Variants in PPP1R14C observed in about 807,000 individuals in gnomAD.
PPP1R14C encodes the protein protein phosphatase 1 regulatory inhibitor subunit 14C, also known as protein phosphatase 1 regulatory subunit 14C.
Under a neutral mutation model 20.4 loss-of-function variants are expected in PPP1R14C, and 16 were observed. The ratio of observed to expected loss-of-function variants is 0.78; its 90% CI spans 0.53 to 1.19. PPP1R14C has a LOEUF of 1.19. Ranked by LOEUF, PPP1R14C falls within the 50% of genes most tolerant of loss-of-function variation. PPP1R14C has a pLI of 0.00. For missense variants in PPP1R14C, 211 were observed against 220.1 expected, an observed-to-expected ratio of 0.96 and a Z score of 0.26; for synonymous variants, 91 against 91.0, an observed-to-expected ratio of 1.00 and a Z score of 0.00.
In PPP1R14C at chr6:150,169,166, C is replaced by T. The variant is rs146240315; in HGVS notation, c.306+25668C>T. Among the ~76,000 whole-genome samples, 847 of 152,296 alleles carry T rather than the reference C, an allele frequency of 5.6e-3. 6 individuals carry two copies. Among genetic ancestry groups the T allele is most frequent in the African/African-American group, 0.018 (743 of 41,570 alleles). ...TGCTGGGATTACAGGCGTGAGCCAC[C>T]GTGCCCAGCCTCAATATAAAATTAT... On this transcript the variant is annotated intron_variant, in intron 1 of 3. Transcript: ENST00000361131.
intron 3 of PPP1R14C, among the ~76,000 whole-genome samples, chr6:150,242,866 A>G (rs1310692069): frequency 6.6e-6 from 1 of 152,228 alleles, no homozygotes; most frequent in African/African-American, 2.4e-5. Context: ...TACAAGATAA[A>G]TATATGAAAA....
At chr6:150,207,484 C>T (rs1267255299) in intron 1 of PPP1R14C, among the ~76,000 whole-genome samples, 4 of 152,214 alleles carry the variant, frequency 2.6e-5, no homozygotes, top group East Asian at 3.9e-4. Context: ...CCATCTGTTT[C>T]GTTCTTCACT....
At chr6:150,189,644 A>G (rs1777718957) in intron 1 of PPP1R14C, among the ~76,000 whole-genome samples, 1 of 151,922 alleles carries the variant, frequency 6.6e-6, no homozygotes, top group African/African-American at 2.4e-5. Flanking sequence ...GTTGATGGCT[A>G]AACTCGTCAT....
intron 1 of PPP1R14C, among the ~76,000 whole-genome samples, chr6:150,154,771 A>C (rs1361420310): frequency 6.6e-6 from 1 of 152,132 alleles, no homozygotes; most frequent in African/African-American, 2.4e-5. Flanking sequence ...ACTAGAACGT[A>C]AGGATTAGAT....
At chr6:150,226,707 A>AT (rs138373239) in intron 3 of PPP1R14C, among the ~76,000 whole-genome samples, 64 of 149,732 alleles carry the variant, frequency 4.3e-4, no homozygotes, top group African/African-American at 1.2e-3. Context: ...CCATGCATTT[A>AT]TTTTTTTTTT....
At chr6:150,189,925 C>T (rs1323671322) in intron 1 of PPP1R14C, among the ~76,000 whole-genome samples, 1 of 152,116 alleles carries the variant, frequency 6.6e-6, no homozygotes, top group African/African-American at 2.4e-5. Context: ...TCCCCCAACC[C>T]CCCAACACAG....
At position 150,143,746 on chromosome 6, in the gene PPP1R14C, G is replaced by A. The variant is rs1320903752; in HGVS notation, c.306+248G>A. Among the ~76,000 whole-genome samples the A allele has an allele frequency of 6.6e-6, 1 of 152,070 alleles. No homozygotes were observed. Among genetic ancestry groups the A allele is most frequent in the Non-Finnish European group, 1.5e-5 (1 of 67,992 alleles). On this transcript the variant is annotated intron_variant, in intron 1 of 3. Transcript: ENST00000361131. The surrounding 1 kb of genome is among the most constrained non-coding windows in gnomAD (Gnocchi z 5.6). Reference sequence around the variant, plus strand: ...TCTGCGGGCCCCCTTGGTGGCCGTGGGGAGGGTTGGGTCCCGCGGAGCACA... The same window carrying A: ...TCTGCGGGCCCCCTTGGTGGCCGTGAGGAGGGTTGGGTCCCGCGGAGCACA...
intron 3 of PPP1R14C, among the ~76,000 whole-genome samples, chr6:150,228,779 A>G (rs530922232): frequency 1.3e-5 from 2 of 152,184 alleles, no homozygotes; most frequent in Non-Finnish European, 2.9e-5. Context: ...ATTTTTCACT[A>G]TACACTCTTA....
In PPP1R14C at chr6:150,185,773, T is replaced by G. The variant is rs1278468414; in HGVS notation, c.307-28971T>G. Among the ~76,000 whole-genome samples the G allele has an allele frequency of 6.6e-6, 1 of 152,156 alleles. No homozygotes were observed. Among genetic ancestry groups the G allele is most frequent in the Non-Finnish European group, 1.5e-5 (1 of 68,038 alleles). On this transcript the variant is annotated intron_variant, in intron 1 of 3. Coordinates refer to ENST00000361131, the MANE Select transcript of PPP1R14C (RefSeq NM_030949.3). The surrounding 1 kb of genome is among the most constrained non-coding windows in gnomAD (Gnocchi z 4.1). Reference sequence around the variant, plus strand: ...TAAACCGAGCAAGTCATATTCTCACTCGTGCTGTGTAGCTTATATTGGCTG... The same window carrying G: ...TAAACCGAGCAAGTCATATTCTCACGCGTGCTGTGTAGCTTATATTGGCTG...
chr6:150,154,389 C>T (rs530106818), intron 1 of PPP1R14C, among the ~76,000 whole-genome samples: 2 of 152,246 alleles, frequency 1.3e-5, no homozygotes, highest in East Asian at 3.9e-4. Context: ...CTGTGAGCTC[C>T]GTCCTAGTCG....
At chr6:150,165,327 G>A (rs1777411467) in intron 1 of PPP1R14C, among the ~76,000 whole-genome samples, 1 of 152,162 alleles carries the variant, frequency 6.6e-6, no homozygotes, top group Non-Finnish European at 1.5e-5. Context: ...AAAATATCTG[G>A]GCTCCCAGTC....
chr6:150,149,957 C>T (rs530940003), intron 1 of PPP1R14C, among the ~76,000 whole-genome samples: 1 of 152,238 alleles, frequency 6.6e-6, no homozygotes, highest in Non-Finnish European at 1.5e-5. Context: ...TACATATGTG[C>T]AGGGAAGTTA....
intron 1 of PPP1R14C, among the ~76,000 whole-genome samples, chr6:150,205,099 G>A (rs115930648): frequency 6.3e-4 from 95 of 151,188 alleles, no homozygotes; most frequent in African/African-American, 2.2e-3. Flanking sequence ...GAGAGATTTG[G>A]GGGCACGAAC....
chr6:150,235,206 A>G (rs1160854283), intron 3 of PPP1R14C, among the ~76,000 whole-genome samples: 1 of 152,184 alleles, frequency 6.6e-6, no homozygotes, highest in Non-Finnish European at 1.5e-5. Context: ...CTCCTGCCTC[A>G]GTCTCCTGAG....
At chr6:150,199,726 A>T (rs1777852902) in intron 1 of PPP1R14C, among the ~76,000 whole-genome samples, 1 of 152,092 alleles carries the variant, frequency 6.6e-6, no homozygotes, top group Middle Eastern at 3.2e-3. Flanking sequence ...AACATTAGCC[A>T]GGCTTAGTGG....
chr6:150,147,405 C>A (rs374596764), intron 1 of PPP1R14C, among the ~76,000 whole-genome samples: 6 of 152,032 alleles, frequency 3.9e-5, no homozygotes, highest in Admixed American at 6.5e-5. Flanking sequence ...GTCTCGAACT[C>A]CTGATCTCAT....
chr6:150,216,227 A>T lies in PPP1R14C; in HGVS notation c.391-597A>T, dbSNP rs144266623. Among the ~76,000 whole-genome samples, 128 of 152,174 alleles carry T rather than the reference A, an allele frequency of 8.4e-4. 1 individual carries two copies. The highest frequency in any genetic ancestry group is 2.9e-3 in the African/African-American group (121 of 41,532). ...ACCTGGTCAAGGGGCTGGGCATGGT[A>T]GCTCACGCCTGTAATCCCAGTGCTT... On this transcript the variant is annotated intron_variant, in intron 2 of 3. Transcript: ENST00000361131.
At chr6:150,214,135 G>T (rs971978437) in intron 1 of PPP1R14C, among the ~76,000 whole-genome samples, 1 of 152,148 alleles carries the variant, frequency 6.6e-6, no homozygotes, top group Non-Finnish European at 1.5e-5. Context: ...GTTGGACCAC[G>T]TGTCTTCTCT....
intron 3 of PPP1R14C, among the ~76,000 whole-genome samples, chr6:150,230,642 T>G (rs1778283497): frequency 6.6e-6 from 1 of 152,238 alleles, no homozygotes; most frequent in African/African-American, 2.4e-5. Flanking sequence ...GCTTGCGTAA[T>G]GTATACAATC....
Sources: allele counts gnomAD v4.1 joint callset (sites outside exome capture counted in the v4.1 genomes callset), GRCh38; gene constraint gnomAD v4.1.1; non-coding constraint Gnocchi (gnomAD v3.1); transcripts MANE v1.5; gene names NCBI Gene and HGNC (gene_info 2026-07-23, HGNC 2026-07-21).